Variants in FANCA observed in about 807,000 individuals in gnomAD.
FANCA encodes the protein Fanconi anemia group A protein.
Under a neutral mutation model 194.3 loss-of-function variants are expected in FANCA, and 236 were observed. That is an observed-to-expected ratio of 1.21 (90% CI 1.09 to 1.35). The LOEUF (loss-of-function observed/expected upper bound fraction) is 1.35, where lower values mean the gene tolerates loss of function less well. Among genes scored for constraint, FANCA ranks in the 40% most tolerant of loss-of-function variants. The pLI, the probability that FANCA is intolerant of heterozygous loss-of-function variation, is 0.00. For synonymous variants in FANCA, 1,014 were observed against 715.8 expected, an observed-to-expected ratio of 1.42 and a Z score of -6.65; for missense variants, 2,628 against 1,813.9, an observed-to-expected ratio of 1.45 and a Z score of -8.15.
At chr16:89,782,555 A>C (rs946230706) in intron 17 of FANCA, among the ~76,000 whole-genome samples, 1 of 152,110 alleles carries the variant, frequency 6.6e-6, no homozygotes, top group African/African-American at 2.4e-5. Context: ...TCAGAGAAAA[A>C]CATGACGAAC....
chr16:89,798,408 A>C, intron 10 of FANCA: 2 of 1,076,310 alleles, frequency 1.9e-6, no homozygotes, highest in Non-Finnish European at 2.3e-6. Context: ...ACCGAACGGT[A>C]CAACACATTT....
In FANCA at chr16:89,803,301, G is replaced by C. The variant is rs1338279671; in HGVS notation, c.750C>G (p.Asn250Lys). 1 of 1,614,076 alleles carries C rather than the reference G, an allele frequency of 6.2e-7. No individual in the cohort carries two copies. Among genetic ancestry groups the C allele is most frequent in the South Asian group, 1.1e-5 (1 of 91,078 alleles). Residue 250 changes from asparagine to lysine, a missense_variant, in exon 8 of 43, where the codon AAC becomes AAG. Asn to Lys is a moderately conservative substitution (Grantham distance 94, BLOSUM62 0). Coordinates refer to ENST00000389301, the MANE Select transcript of FANCA (RefSeq NM_000135.4). The stretch of plus-strand genomic sequence containing the variant: ...GCTCCACAGTTCTTCTCAGATCTGA[G>C]TTTTTCTGAAATCCCCTCAAAACAA... ...QMFVLRGFQK[N>K]SDLRRTVEPE...
In FANCA at chr16:89,738,387, C is replaced by T; in HGVS notation, c.*214G>A. ...CTGGAGGCGGGCTTGGTGTCCGGCT[C>T]AAGTAGCCTTCCTCTGCTCTGGGAC... On this transcript the variant is annotated 3_prime_UTR_variant, in exon 43 of 43. Transcript: ENST00000389301. 1.4e-6 allele frequency: 2 copies of T among 1,403,766 alleles called. No individual in the cohort carries two copies. Among genetic ancestry groups the T allele is most frequent in the East Asian group, 2.5e-5 (1 of 40,104 alleles). The allele number at this position is 1,403,766 out of a possible 1,614,324, so 87.0% of individuals were successfully genotyped here.
At chr16:89,746,110 G>A (rs2038379017) in intron 35 of FANCA, among the ~76,000 whole-genome samples, 1 of 152,186 alleles carries the variant, frequency 6.6e-6, no homozygotes, top group South Asian at 2.1e-4. Context: ...TCGGGACCCT[G>A]GGCTGCTAGG....
rs537525841 is a variant in FANCA at position 89,771,960 on chromosome 16, T to C, written c.2015-146A>G. The C allele has an allele frequency of 1.1e-4, 107 of 981,106 alleles. 4 individuals carry two copies. The South Asian group carries it at 1.1e-3, about 10-fold the overall frequency. 60.8% of individuals were successfully genotyped at this position (981,106 alleles called of 1,614,324 possible). On this transcript the variant is annotated intron_variant, in intron 22 of 42. Transcript: ENST00000389301. ...CCCCCAGCCAGGTGCTGAACACCAG[T>C]GTTTGTTCGCCCCGCAGGATTTGCA... is the stretch of plus-strand genomic sequence containing the variant.
At chr16:89,810,900 A>AG (rs1165926338) in intron 4 of FANCA, 29 bp downstream of exon 4, 1 of 1,614,172 alleles carries the variant, frequency 6.2e-7, no homozygotes, top group Non-Finnish European at 8.5e-7. Flanking sequence ...AACAACGGGC[A>AG]GGTTTCCTCA....
rs1272932744 is a variant in FANCA, at chr16:89,767,161, A to G, written c.2581T>C (p.Ser861Pro). 6.2e-7 allele frequency: 1 copy of G among 1,612,986 alleles called. No homozygotes were observed. Among genetic ancestry groups the G allele is most frequent in the African/African-American group, 1.3e-5 (1 of 75,048 alleles). The change falls in exon 27 of 43, where the codon TCT (serine) becomes CCT (proline). Residue 861 changes from serine to proline, a missense_variant. Physicochemically the swap from Ser to Pro is moderately conservative, Grantham distance 74. Transcript: ENST00000389301. ...CCTACCTTTTTAATAAGGCCTGGAG[A>G]TAAGCAGCTGCACAAAGTATCTCGT... Reference protein sequence around the residue: ...QSRDTLCSCLSPGLIKKFQFL... With the variant: ...QSRDTLCSCLPPGLIKKFQFL...
rs1266031571 is a variant in FANCA, at chr16:89,769,015, C to T, written c.2504+822G>A. ...CCCGGAGTACCGAGTGCCTGCTCCC[C>T]GAGGCCCATGTCTGAGGTGTGGGAT... On this transcript the variant is annotated intron_variant, in intron 26 of 42. Coordinates refer to ENST00000389301, the MANE Select transcript of FANCA (RefSeq NM_000135.4). Among the ~76,000 whole-genome samples, 4 of 152,184 alleles carry T rather than the reference C, an allele frequency of 2.6e-5. No homozygotes were observed. In the East Asian group the frequency reaches 7.7e-4, roughly 29 times the overall value.
intron 2 of FANCA, among the ~76,000 whole-genome samples, chr16:89,815,167 G>C (rs1471692184): frequency 6.6e-6 from 1 of 151,798 alleles, no homozygotes; most frequent in South Asian, 2.1e-4. Flanking sequence ...CTCCTGAGCA[G>C]CTGGGATTAC....
At chr16:89,751,121 G>A (rs1244805777) in intron 31 of FANCA, among the ~76,000 whole-genome samples, 1 of 152,132 alleles carries the variant, frequency 6.6e-6, no homozygotes, top group Non-Finnish European at 1.5e-5. Flanking sequence ...TTGAGCCCCT[G>A]ACCTCAAGTG....
intron 17 of FANCA, among the ~76,000 whole-genome samples, chr16:89,782,241 G>C (rs1253354637): frequency 6.6e-6 from 1 of 152,020 alleles, no homozygotes; most frequent in Non-Finnish European, 1.5e-5. Context: ...GCCAGGCGTG[G>C]TGGCGGGCGC....
In FANCA at chr16:89,748,615, A is replaced by G. The variant is rs779994629; in HGVS notation, c.3348+44T>C. On this transcript the variant is annotated intron_variant, in intron 33 of 42. Transcript: ENST00000389301. ...CTGCAAGAGCTGCTGTTAGCGCCAC[A>G]GGCACTGACAGATCGGACGGACACG... 30 of 1,431,918 alleles carry G rather than the reference A, an allele frequency of 2.1e-5. No homozygotes were observed. The Middle Eastern group carries it at 8.7e-4, about 41-fold the overall frequency. The allele number at this position is 1,431,918 out of a possible 1,614,324, so 88.7% of individuals were successfully genotyped here. A position where few individuals can be genotyped will look rare whatever the true frequency, so the allele number is the denominator to read the frequency against.
intron 14 of FANCA, 29 bp from the exon 15 acceptor site, chr16:89,784,993 G>C (rs768120808): frequency 6.5e-7 from 1 of 1,548,896 alleles, no homozygotes. Context: ...GTGAAGCCCA[G>C]GACAGCCAGG....
intron 8 of FANCA, 96 bp downstream of exon 8, chr16:89,803,163 C>A: frequency 1.7e-6 from 2 of 1,173,432 alleles, no homozygotes; most frequent in East Asian, 2.3e-5. Flanking sequence ...TAGGTACAAA[C>A]AGCACGTTTC....
At chr16:89,785,778 C>T (rs1315796555) in intron 14 of FANCA, among the ~76,000 whole-genome samples, 1 of 152,050 alleles carries the variant, frequency 6.6e-6, no homozygotes, top group Non-Finnish European at 1.5e-5. Context: ...CAGCAAGTTA[C>T]CATCTATCAG....
At chr16:89,787,835 C>CA (rs1476476917) in intron 14 of FANCA, among the ~76,000 whole-genome samples, 2 of 151,864 alleles carry the variant, frequency 1.3e-5, no homozygotes, top group African/African-American at 4.8e-5. Context: ...AATTCACGAT[C>CA]ATTTGGTCTA....
At chr16:89,765,374 C>T (rs953859062) in intron 27 of FANCA, among the ~76,000 whole-genome samples, 3 of 152,056 alleles carry the variant, frequency 2.0e-5, no homozygotes, top group Admixed American at 2.0e-4. Flanking sequence ...GCACAACACA[C>T]AACCCCACGT....
chr16:89,751,187 C>G (rs1023057569), intron 31 of FANCA, among the ~76,000 whole-genome samples: 58 of 152,076 alleles, frequency 3.8e-4, no homozygotes, highest in African/African-American at 1.3e-3. Flanking sequence ...GCCACCGTGC[C>G]TGGCCGGCTG....
intron 1 of FANCA, 61 bp from the exon 2 acceptor site, chr16:89,816,047 C>T: frequency 7.6e-7 from 1 of 1,323,518 alleles, no homozygotes; most frequent in South Asian, 1.2e-5. Context: ...GTCCCCGGCC[C>T]GACGCGCAGG....
Sources: gnomAD v4.1 joint callset for allele counts (sites outside exome capture counted in the v4.1 genomes callset) on GRCh38, gnomAD v4.1.1 for gene constraint, MANE v1.5 for transcripts, NCBI Gene and HGNC (gene_info 2026-07-23, HGNC 2026-07-21) for gene names.